Variants in KIAA0408 observed in about 807,000 individuals in gnomAD.
KIAA0408 encodes the protein KIAA0408.
Under a neutral mutation model 60.9 loss-of-function variants are expected in KIAA0408, and 51 were observed. The observed-to-expected ratio is 0.84, with a 90% CI of 0.67 to 1.06. KIAA0408 has a LOEUF of 1.06. Ranked by LOEUF, KIAA0408 falls within the 50% of genes least tolerant of loss-of-function variation. The pLI is 0.00. For missense variants in KIAA0408, 787 were observed against 833.9 expected (o/e 0.94, Z 0.69); for synonymous variants, 304 against 282.4 (o/e 1.08, Z -0.77).
rs1361475610 is a variant in KIAA0408 at position 127,442,275 on chromosome 6, T to C, written c.*1834A>G. On this transcript the variant is annotated 3_prime_UTR_variant, in exon 6 of 6. Transcript: ENST00000483725. ...CACTGGTGGAGAGGAACAGATAGGT[T>C]GCACAGTCCTTGGGCAGGCTCTCCA... 1 of 152,230 alleles carries C rather than the reference T, an allele frequency of 6.6e-6. No homozygotes were observed. The highest frequency in any genetic ancestry group is 1.9e-4 in the East Asian group (1 of 5,198). 9.4% of individuals were successfully genotyped at this position (152,230 alleles called of 1,614,324 possible).
rs1299325653 is a variant in KIAA0408, at chr6:127,447,633, TTTTCTA to T, written c.680_685del (p.Leu227_Lys229delinsTer). ...ATTCTTCCTGTTTTTCTGTTTTTCTTTTTCTAAACTGATTGGAAGAATGCACTGGTC... is the reference window on the plus strand; with the variant it reads ...ATTCTTCCTGTTTTTCTGTTTTTCTTAACTGATTGGAAGAATGCACTGGTC... On this transcript the variant is annotated stop_gained and inframe_deletion, in exon 5 of 6. Coordinates refer to ENST00000483725, the MANE Select transcript of KIAA0408 (RefSeq NM_014702.5). LOFTEE classifies it high-confidence loss of function. The T allele has an allele frequency of 6.2e-7, 1 of 1,612,686 alleles. No homozygotes were observed. The highest frequency in any genetic ancestry group is 8.5e-7 in the Non-Finnish European group (1 of 1,179,624).
rs201277619 is a variant in KIAA0408 at position 127,447,661 on chromosome 6, G to A, written c.658C>T (p.Gln220Ter). The A allele has an allele frequency of 1.2e-6, 2 of 1,604,056 alleles. No individual in the cohort carries two copies. The highest frequency in any genetic ancestry group is 1.7e-5 in the Admixed American group (1 of 57,876). Reference sequence around the variant, plus strand: ...TCTAAACTGATTGGAAGAATGCACTGGTCATTGTTGATCATGGGGTCCCCA... The same window carrying A: ...TCTAAACTGATTGGAAGAATGCACTAGTCATTGTTGATCATGGGGTCCCCA... ...PHGDPMINND[Q>*]CILPISLEKE... The change falls in exon 5 of 6, where the codon CAG becomes TAG. Residue 220 changes from glutamine to a stop codon, truncating the protein, a stop_gained. Coordinates refer to ENST00000483725, the MANE Select transcript of KIAA0408 (RefSeq NM_014702.5). LOFTEE classifies it high-confidence loss of function.
At chr6:127,444,379 AT>A in intron 5 of KIAA0408, 97 bp from the exon 6 acceptor site, 1 of 947,200 alleles carries the variant, frequency 1.1e-6, no homozygotes, top group Non-Finnish European at 1.5e-6. Flanking sequence ...CCGTTAGTAA[AT>A]TTACAAGAAA....
In KIAA0408 at chr6:127,443,830, T is replaced by A; in HGVS notation, c.*279A>T. 1 of 351,152 alleles carries A rather than the reference T, an allele frequency of 2.8e-6. No individual in the cohort carries two copies. The highest frequency in any genetic ancestry group is 5.2e-6 in the Non-Finnish European group (1 of 190,550). The allele number at this position is 351,152 out of a possible 1,614,324, so 21.8% of individuals were successfully genotyped here. ...AAACACATGGCCATGCACATAACCT[T>A]ACTTTCTGCCACTTGCAACAAAGAA... On this transcript the variant is annotated 3_prime_UTR_variant, in exon 6 of 6. Transcript: ENST00000483725.
intron 4 of KIAA0408, among the ~76,000 whole-genome samples, chr6:127,448,295 G>C (rs747309488): frequency 6.6e-6 from 1 of 152,078 alleles, no homozygotes; most frequent in African/African-American, 2.4e-5. Context: ...TGAGTAAAAG[G>C]CATATAGGAT....
chr6:127,447,884 A>G (rs938695562), intron 4 of KIAA0408, 144 bp from the exon 5 acceptor site: 63 of 1,115,456 alleles, frequency 5.6e-5, no homozygotes, highest in Non-Finnish European at 7.3e-5. Context: ...TAAATCTCCC[A>G]GTCAAAAACT....
intron 1 of KIAA0408, among the ~76,000 whole-genome samples, chr6:127,457,451 A>G (rs1445039654): frequency 2.0e-5 from 3 of 152,216 alleles, no homozygotes; most frequent in Admixed American, 2.0e-4. Context: ...CCCCTACCCC[A>G]TATCTCTTTG....
At chr6:127,444,782 A>G (rs1464144687) in intron 5 of KIAA0408, among the ~76,000 whole-genome samples, 1 of 152,046 alleles carries the variant, frequency 6.6e-6, no homozygotes, top group African/African-American at 2.4e-5. Flanking sequence ...CACTGGCACT[A>G]TCTATCAAAA....
chr6:127,446,636 A>G lies in KIAA0408; in HGVS notation c.1683T>C (p.Gly561=), dbSNP rs761243388. Residue 561 remains glycine, a synonymous_variant, in exon 5 of 6, where the codon GGT becomes GGC. Transcript: ENST00000483725. The part of the protein sequence containing the change: ...PRSADPRSNY[G]VVEKLLKTYE... ...AGGTTTTCAGCAGCTTTTCCACAAC[A>G]CCATAATTTGACCTGGGATCAGCTG... The G allele has an allele frequency of 3.1e-6, 5 of 1,613,970 alleles. No homozygotes were observed. The African/African-American group carries it at 6.7e-5, about 22-fold the overall frequency.
Position 127,440,781 on chromosome 6 carries a change from C to T in KIAA0408, c.*3328G>A, listed in dbSNP as rs1243553316. 2 of 152,134 alleles carry T rather than the reference C, an allele frequency of 1.3e-5. No individual in the cohort carries two copies. Among genetic ancestry groups the T allele is most frequent in the African/African-American group, 4.8e-5 (2 of 41,418 alleles). 9.4% of individuals were successfully genotyped at this position (152,134 alleles called of 1,614,324 possible). On this transcript the variant is annotated 3_prime_UTR_variant, in exon 6 of 6. Transcript: ENST00000483725. ...AAGTAAAAACTTTTTTCAAAGAAGA[C>T]TTTTATCAGACTCAATTAGCAGTTA...
intron 2 of KIAA0408, among the ~76,000 whole-genome samples, chr6:127,452,066 A>G (rs1411922980): frequency 6.6e-6 from 1 of 152,166 alleles, no homozygotes; most frequent in East Asian, 1.9e-4. Context: ...GCCATAGCAA[A>G]TGCAATGACT....
rs141449836 is a variant in KIAA0408 at position 127,454,208 on chromosome 6, C to T, written c.-120-107G>A. 8.9e-6 allele frequency: 10 copies of T among 1,118,606 alleles called. No homozygotes were observed. In the African/African-American group the frequency reaches 1.5e-4, roughly 16 times the overall value. The allele number at this position is 1,118,606 out of a possible 1,614,324, so 69.3% of individuals were successfully genotyped here. A position where few individuals can be genotyped will look rare whatever the true frequency, so the allele number is the denominator to read the frequency against. Reference sequence around the variant, plus strand: ...ATAAACAAACTATAGGAAAATTGGACTCAAAAGAAAAGAGATGACAACAGT... The same window carrying T: ...ATAAACAAACTATAGGAAAATTGGATTCAAAAGAAAAGAGATGACAACAGT... On this transcript the variant is annotated intron_variant, in intron 1 of 5. Transcript: ENST00000483725.
In KIAA0408 at chr6:127,446,746, G is replaced by T; in HGVS notation, c.1573C>A (p.Gln525Lys). 1 of 1,613,956 alleles carries T rather than the reference G, an allele frequency of 6.2e-7. No individual in the cohort carries two copies. The highest frequency in any genetic ancestry group is 8.5e-7 in the Non-Finnish European group (1 of 1,180,004). Reference protein sequence around the residue: ...KSTTGLVRQMQGHLSPRSYRN... With the variant: ...KSTTGLVRQMKGHLSPRSYRN... ...TAACTGCGAGGACTTAGGTGTCCCTGCATTTGTCTTACTAGGCCTGTTGTG... is the reference window on the plus strand; with the variant it reads ...TAACTGCGAGGACTTAGGTGTCCCTTCATTTGTCTTACTAGGCCTGTTGTG... The change falls in exon 5 of 6, where the codon CAG (glutamine) becomes AAG (lysine). Residue 525 changes from glutamine to lysine, a missense_variant. Around this residue, in one of 3 missense-constraint regions of KIAA0408, gnomAD observed 640 missense variants for 681.3 expected, o/e 0.94. Coordinates refer to ENST00000483725, the MANE Select transcript of KIAA0408 (RefSeq NM_014702.5).
intron 2 of KIAA0408, 70 bp downstream of exon 2, chr6:127,453,777 C>T: frequency 6.5e-7 from 1 of 1,541,390 alleles, no homozygotes; most frequent in Non-Finnish European, 8.7e-7. Context: ...GTTTCCAATA[C>T]AAAACAGCCC....
rs778711192 is a variant in KIAA0408 at position 127,449,989 on chromosome 6, C to G, written c.498+1G>C. On this transcript the variant is annotated splice_donor_variant, in intron 3 of 5. Transcript: ENST00000483725. LOFTEE classifies it high-confidence loss of function. ...TTCTAGGCCAATCACATCTTACTTA[C>G]TGTACTGAGGGCGCCAGAACAGCTC... 2 of 1,613,590 alleles carry G rather than the reference C, an allele frequency of 1.2e-6. No homozygotes were observed. The highest frequency in any genetic ancestry group is 1.7e-6 in the Non-Finnish European group (2 of 1,179,860).
At position 127,446,998 on chromosome 6, in the gene KIAA0408, T is replaced by A. The variant is rs1773210203; in HGVS notation, c.1321A>T (p.Lys441Ter). 6.2e-7 allele frequency: 1 copy of A among 1,613,906 alleles called. No individual in the cohort carries two copies. Among genetic ancestry groups the A allele is most frequent in the Non-Finnish European group, 8.5e-7 (1 of 1,179,978 alleles). ...ACAGTTCTGTTAAATTCATCAGTCT[T>A]TGCTGCCAGCTTCTCATTCCTTGTA... is the stretch of plus-strand genomic sequence containing the variant. Reference protein sequence around the residue: ...RTTRNEKLAAKTDEFNRTVFR... With the variant: ...RTTRNEKLAA Residue 441 changes from lysine to a stop codon, truncating the protein, a stop_gained, in exon 5 of 6, where the codon AAG (lysine) becomes TAG (stop). Transcript: ENST00000483725. LOFTEE classifies it high-confidence loss of function.
At chr6:127,454,273 T>C in intron 1 of KIAA0408, 172 bp from the exon 2 acceptor site, 1 of 542,284 alleles carries the variant, frequency 1.8e-6, no homozygotes, top group African/African-American at 2.0e-5. Context: ...AATAAAGTAA[T>C]AAGTATTGTC....
chr6:127,449,843 C>T lies in KIAA0408; in HGVS notation c.557G>A (p.Arg186Gln), dbSNP rs747570034. ...CTACCTTCTATGGTTAGACCGCTTT[C>T]GAATTTCCTCTTGAAAGCTGCATAA... ...EELCSFQEEI[R>Q]KRSNHRRMKS... The change falls in exon 4 of 6, where the codon CGA becomes CAA. Residue 186 changes from arginine (R) to glutamine (Q), a missense_variant. Physicochemically the swap from Arg to Gln is conservative, Grantham distance 43 (BLOSUM62 1). Transcript: ENST00000483725. The T allele has an allele frequency of 2.4e-5, 39 of 1,613,900 alleles. 1 individual carries two copies. The highest frequency in any genetic ancestry group is 2.3e-4 in the South Asian group (21 of 91,092).
rs1381538233 is a variant in KIAA0408 at position 127,443,881 on chromosome 6, CTTATA to C, written c.*223_*227del. 6.0e-6 allele frequency: 3 copies of C among 500,762 alleles called. No homozygotes were observed. The highest frequency in any genetic ancestry group is 2.0e-5 in the African/African-American group (1 of 50,664). 31.0% of individuals were successfully genotyped at this position (500,762 alleles called of 1,614,324 possible). ...TATACAATATTGTACATTGTTTCAA[CTTATA>C]TTGTATTGGAAAACTAATGAGGATG... On this transcript the variant is annotated 3_prime_UTR_variant, in exon 6 of 6. Coordinates refer to ENST00000483725, the MANE Select transcript of KIAA0408 (RefSeq NM_014702.5).
Sources: gnomAD v4.1 joint callset for allele counts (sites outside exome capture counted in the v4.1 genomes callset) on GRCh38, gnomAD v4.1.1 for gene constraint, gnomAD v4.1.1 regional missense constraint, MANE v1.5 for transcripts, NCBI Gene and HGNC (gene_info 2026-07-23, HGNC 2026-07-21) for gene names.